Variants in RFC1 observed in about 807,000 individuals in gnomAD.
The protein encoded by RFC1 is A1 140 kDa subunit.
In RFC1, 37 loss-of-function variants were observed where a neutral mutation model predicts 137.4. The ratio of observed to expected loss-of-function variants is 0.27; its 90% CI spans 0.21 to 0.35. The LOEUF is 0.35. RFC1 is among the 10% of genes least tolerant of loss of function. The pLI is 1.00. For synonymous variants in RFC1, 429 were observed against 455.7 expected (o/e 0.94, Z 0.75); for missense variants, 1,205 against 1,358.5 (o/e 0.89, Z 1.78).
intron 8 of RFC1, 37 bp from the exon 9 acceptor site, chr4:39,320,706 G>A (rs1386817170): frequency 6.6e-7 from 1 of 1,523,818 alleles, no homozygotes; most frequent in East Asian, 2.3e-5. Context: ...GTTGTTTTTG[G>A]AAAATGATAA....
chr4:39,305,043 GGTAAAGT>G, intron 14 of RFC1, 115 bp from the exon 15 acceptor site: 1 of 715,110 alleles, frequency 1.4e-6, no homozygotes, highest in Non-Finnish European at 2.5e-6. Context: ...AAAACCCATA[GGTAAAGT>G]ATAAAGTATG....
Position 39,306,607 on chromosome 4 carries a change from A to G in RFC1, c.1980T>C (p.Ala660=). ...ACGCACCCACCTGACACACCAGGGAAGCTGTGGTGGTTTTGCCAACACCAG... is the reference window on the plus strand; with the variant it reads ...ACGCACCCACCTGACACACCAGGGAGGCTGTGGTGGTTTTGCCAACACCAG... The part of the protein sequence containing the change: ...GPPGVGKTTT[A]SLVCQELGYS... The change falls in exon 14 of 25, where the codon GCT becomes GCC. Residue 660 remains alanine, a synonymous_variant. Coordinates refer to ENST00000349703, the MANE Select transcript of RFC1 (RefSeq NM_002913.5). 1 of 1,596,002 alleles carries G rather than the reference A, an allele frequency of 6.3e-7. No individual in the cohort carries two copies. Among genetic ancestry groups the G allele is most frequent in the South Asian group, 1.1e-5 (1 of 90,706 alleles).
rs532718208 is a variant in RFC1 at position 39,326,567 on chromosome 4, G to A, written c.638C>T (p.Ala213Val). The A allele has an allele frequency of 7.6e-5, 122 of 1,610,712 alleles. No individual in the cohort carries two copies. Among genetic ancestry groups the A allele is most frequent in the Non-Finnish European group, 9.8e-5 (115 of 1,177,760 alleles). The change falls in exon 6 of 25, where the codon GCG (alanine) becomes GTG (valine). Residue 213 changes from alanine to valine, a missense_variant. By Grantham distance (64) the Ala-to-Val change is moderately conservative (BLOSUM62 0). Transcript: ENST00000349703. ...TTCTAAGCAAAATGCCAATACCTCC[G>A]CATCTTCATCAAGCTGTAATTGCTT... ...IAKQLQLDED[A>V]ELERQLHEDE... is the part of the protein sequence containing the mutation.
chr4:39,323,423 A>G lies in RFC1; in HGVS notation c.643-6T>C. ...TCATGCAACTGCCTCTCCAGCTGTA[A>G]AATGTGTCAGCAAAGTGAGTTGAGT... On this transcript the variant is annotated splice_region_variant and splice_polypyrimidine_tract_variant and intron_variant, in intron 6 of 24. Transcript: ENST00000349703. 6.2e-7 allele frequency: 1 copy of G among 1,613,848 alleles called. No homozygotes were observed. The highest frequency in any genetic ancestry group is 8.5e-7 in the Non-Finnish European group (1 of 1,179,808).
At chr4:39,320,240 T>G (rs1161432973) in intron 9 of RFC1, 143 bp downstream of exon 9, 1 of 635,286 alleles carries the variant, frequency 1.6e-6, no homozygotes, top group Admixed American at 3.8e-5. Context: ...TCCCAGCTAC[T>G]TGGGAGGCTG....
intron 9 of RFC1, among the ~76,000 whole-genome samples, chr4:39,317,678 TTC>T (rs374339843): frequency 2.0e-5 from 3 of 152,246 alleles, no homozygotes; most frequent in African/African-American, 7.2e-5. Context: ...ACCTCCAAGT[TTC>T]TCTTTCGGAG....
In RFC1 at chr4:39,311,508, C is replaced by G; in HGVS notation, c.1425G>C (p.Leu475=). 1 of 1,614,046 alleles carries G rather than the reference C, an allele frequency of 6.2e-7. No individual in the cohort carries two copies. The highest frequency in any genetic ancestry group is 8.5e-7 in the Non-Finnish European group (1 of 1,179,990). ...LGTKIIDEDG[L]LNLIRTMPGK... is the part of the protein sequence containing the mutation. ...CTGGCATAGTCCGAATCAGATTCAACAGGCCATCTTCATCAATAATTTTTG... is the reference window on the plus strand; with the variant it reads ...CTGGCATAGTCCGAATCAGATTCAAGAGGCCATCTTCATCAATAATTTTTG... The change falls in exon 12 of 25, where the codon CTG becomes CTC. Residue 475 remains leucine, a synonymous_variant. Coordinates refer to ENST00000349703, the MANE Select transcript of RFC1 (RefSeq NM_002913.5).
chr4:39,329,677 G>A (rs986309466), intron 4 of RFC1, among the ~76,000 whole-genome samples: 2 of 152,092 alleles, frequency 1.3e-5, no homozygotes. Flanking sequence ...AGAAATGGAG[G>A]CTGCAGTAAG....
chr4:39,355,188 C>G (rs1198263747), intron 1 of RFC1, among the ~76,000 whole-genome samples: 3 of 143,922 alleles, frequency 2.1e-5, no homozygotes, highest in Non-Finnish European at 4.5e-5. Context: ...TTTGAGAGGC[C>G]AAGGCGGGAG....
intron 23 of RFC1, among the ~76,000 whole-genome samples, chr4:39,291,023 C>A (rs2109574016): frequency 6.6e-6 from 1 of 152,202 alleles, no homozygotes; most frequent in South Asian, 2.1e-4. Context: ...TTACTGATAA[C>A]CATAAAGTCG....
At chr4:39,359,840 A>G (rs1403719693) in intron 1 of RFC1, among the ~76,000 whole-genome samples, 1 of 151,468 alleles carries the variant, frequency 6.6e-6, no homozygotes, top group Admixed American at 6.6e-5. Flanking sequence ...AAAAAAAAGA[A>G]TAATACAGTG....
intron 22 of RFC1, among the ~76,000 whole-genome samples, chr4:39,295,371 A>C (rs986937149): frequency 6.6e-6 from 1 of 152,230 alleles, no homozygotes; most frequent in African/African-American, 2.4e-5. Context: ...TAAAATTTTA[A>C]ATTATGACAT....
chr4:39,300,412 G>A lies in RFC1; in HGVS notation c.2538C>T (p.Gly846=). 6.2e-7 allele frequency: 1 copy of A among 1,611,438 alleles called. No homozygotes were observed. Among genetic ancestry groups the A allele is most frequent in the African/African-American group, 1.3e-5 (1 of 74,788 alleles). ...SHRAKKDIKM[G]PFDVARKVFA... The stretch of plus-strand genomic sequence containing the variant: ...ACACTTTCCGGGCAACATCAAATGG[G>A]CCCTGAAAAAAGAGAGGGACACACC... The change falls in exon 20 of 25, where the codon GGC becomes GGT. Residue 846 remains glycine, a splice_region_variant and synonymous_variant. Transcript: ENST00000349703.
At chr4:39,354,569 T>C (rs2109765232) in intron 1 of RFC1, among the ~76,000 whole-genome samples, 1 of 151,902 alleles carries the variant, frequency 6.6e-6, no homozygotes, top group East Asian at 1.9e-4. Flanking sequence ...CCAGAAACCA[T>C]CCCTAAAGAA....
At position 39,351,357 on chromosome 4, in the gene RFC1, C is replaced by T. The variant is rs992571514; in HGVS notation, c.123G>A (p.Lys41=). 1 of 1,521,512 alleles carries T rather than the reference C, an allele frequency of 6.6e-7. No individual in the cohort carries two copies. The highest frequency in any genetic ancestry group is 8.8e-7 in the Non-Finnish European group (1 of 1,138,668). 94.3% of individuals were successfully genotyped at this position (1,521,512 alleles called of 1,614,324 possible). A position where few individuals can be genotyped will look rare whatever the true frequency, so the allele number is the denominator to read the frequency against. Residue 41 remains lysine, a synonymous_variant, in exon 2 of 25, where the codon AAG becomes AAA. Transcript: ENST00000349703. ...TACCCAGAAAACTAACCTTGATTTC[C>T]TTTATTCCTTTCTTTGCTTTTAAAG... ...EETLKAKKGI[K]EIKVNSSRKE... is the part of the protein sequence containing the mutation.
At chr4:39,291,936 G>GCA in intron 22 of RFC1, 84 bp from the exon 23 acceptor site, 1 of 969,366 alleles carries the variant, frequency 1.0e-6, no homozygotes, top group South Asian at 1.4e-5. Context: ...AGTTAATCAG[G>GCA]CAGAGTTCAA....
chr4:39,306,816 T>G (rs1578119364), intron 13 of RFC1, 115 bp from the exon 14 acceptor site: 1 of 659,238 alleles, frequency 1.5e-6, no homozygotes. Flanking sequence ...CCAGTTTAGT[T>G]CTAAATTTGC....
At chr4:39,356,041 G>A (rs1474641449) in intron 1 of RFC1, 4 of 148,488 alleles carry the variant, frequency 2.7e-5, no homozygotes, top group East Asian at 2.0e-4. Flanking sequence ...CTTTATGGAA[G>A]GCAATCTAGC....
At chr4:39,314,245 T>G (rs932255799) in intron 10 of RFC1, among the ~76,000 whole-genome samples, 1 of 152,190 alleles carries the variant, frequency 6.6e-6, no homozygotes, top group African/African-American at 2.4e-5. Context: ...CTTTATGGGT[T>G]CTTGGATTGA....
Sources: gnomAD v4.1 joint callset for allele counts (sites outside exome capture counted in the v4.1 genomes callset) on GRCh38, gnomAD v4.1.1 for gene constraint, MANE v1.5 for transcripts, NCBI Gene and HGNC (gene_info 2026-07-23, HGNC 2026-07-21) for gene names.